The following CRACD variants were observed in gnomAD, a reference collection of about 807,000 sequenced individuals.
CRACD encodes capping protein inhibiting regulator of actin dynamics.
In CRACD, 56 loss-of-function variants were observed where a neutral mutation model predicts 106.8. That is an observed-to-expected ratio of 0.52 (90% CI 0.42 to 0.66). The LOEUF (loss-of-function observed/expected upper bound fraction) is 0.66, where lower values mean the gene tolerates loss of function less well. Among genes scored for constraint, CRACD ranks in the 30% least tolerant of loss-of-function variants. The pLI, the probability that CRACD is intolerant of heterozygous loss-of-function variation, is 0.00. For missense variants in CRACD, 1,730 were observed against 1,623.2 expected (o/e 1.07, Z -1.13); for synonymous variants, 754 against 670.8 (o/e 1.12, Z -1.92).
intron 3 of CRACD, among the ~76,000 whole-genome samples, chr4:56,293,941 AGG>A (rs1262676971): frequency 3.3e-5 from 5 of 152,090 alleles, no homozygotes; most frequent in Non-Finnish European, 7.4e-5. Context: ...TCAGGTGTTC[AGG>A]TGTTCAGGTG....
chr4:56,134,216 A>C (rs78422505), intron 1 of CRACD, among the ~76,000 whole-genome samples: 12 of 150,820 alleles, frequency 8.0e-5, no homozygotes, highest in African/African-American at 2.9e-4. Flanking sequence ...AAAAAAAAAA[A>C]GAAATCGACT....
rs1468680918 is a variant in CRACD, at chr4:56,195,265, G to A, written c.-189+15835G>A. Among the ~76,000 whole-genome samples the A allele has an allele frequency of 2.0e-5, 3 of 152,232 alleles. No homozygotes were observed. The South Asian group carries it at 6.2e-4, about 32-fold the overall frequency. ...CCAGGCTTAGAGGGGAGGGCAGTCA[G>A]AACATGGCTATAAATATGCGGGGAA... On this transcript the variant is annotated intron_variant, in intron 2 of 10. Transcript: ENST00000682029.
chr4:56,308,269 A>T (rs1303542197), intron 5 of CRACD, among the ~76,000 whole-genome samples: 1 of 152,140 alleles, frequency 6.6e-6, no homozygotes, highest in African/African-American at 2.4e-5. Flanking sequence ...CAACTTGAAG[A>T]GTACCTAGTC....
intron 1 of CRACD, among the ~76,000 whole-genome samples, chr4:56,128,791 C>T (rs1490363986): frequency 1.3e-5 from 2 of 151,924 alleles, no homozygotes. Flanking sequence ...TTCTTTTCTA[C>T]ATTAAAATAA....
intron 3 of CRACD, among the ~76,000 whole-genome samples, chr4:56,276,871 C>T (rs629242): frequency 0.25 from 38,064 of 152,136 alleles, 4,927 homozygotes; most frequent in East Asian, 0.35. Flanking sequence ...GTGTTTGTTA[C>T]ATCATGCATA....
At chr4:56,081,407 C>T (rs1436699867) in intron 1 of CRACD, among the ~76,000 whole-genome samples, 1 of 152,090 alleles carries the variant, frequency 6.6e-6, no homozygotes, top group South Asian at 2.1e-4. Flanking sequence ...ATTCATTCAA[C>T]TCTAGGAGGT....
chr4:56,326,840 A>G (rs1329941070), intron 10 of CRACD, among the ~76,000 whole-genome samples: 2 of 151,856 alleles, frequency 1.3e-5, no homozygotes, highest in African/African-American at 2.4e-5. Context: ...GCAGGGTTCA[A>G]GTGATTCTCC....
intron 2 of CRACD, among the ~76,000 whole-genome samples, chr4:56,210,520 C>T (rs900857992): frequency 6.6e-6 from 1 of 152,168 alleles, no homozygotes; most frequent in Non-Finnish European, 1.5e-5. Flanking sequence ...GTTAGGGAGG[C>T]AACTCTAAGT....
rs1431084042 is a variant in CRACD at position 56,284,717 on chromosome 4, T to TC, written c.-17+12227dup. Among the ~76,000 whole-genome samples the TC allele has an allele frequency of 4.3e-5, 6 of 141,096 alleles. No individual in the cohort carries two copies. In the Admixed American group the frequency reaches 4.4e-4, roughly 10 times the overall value. 92.6% of individuals were successfully genotyped at this position (141,096 alleles called of 152,430 possible). A position where few individuals can be genotyped will look rare whatever the true frequency, so the allele number is the denominator to read the frequency against. ...CCCAGCCTGGGCTACAGAGTGAGAC[T>TC]CCGTCTCGAAAACAAAAAACAAAAA... On this transcript the variant is annotated intron_variant, in intron 3 of 10. Transcript: ENST00000682029.
intron 2 of CRACD, among the ~76,000 whole-genome samples, chr4:56,193,439 A>G (rs970696481): frequency 1.3e-5 from 2 of 152,216 alleles, no homozygotes; most frequent in African/African-American, 4.8e-5. Context: ...GAAATTGGCA[A>G]AAGAAAGGGT....
At chr4:56,161,595 G>C (rs896370677) in intron 1 of CRACD, among the ~76,000 whole-genome samples, 3 of 151,524 alleles carry the variant, frequency 2.0e-5, no homozygotes, top group Non-Finnish European at 4.4e-5. Flanking sequence ...GGAATTAAAG[G>C]CACCTGCCAC....
chr4:56,266,709 G>A lies in CRACD; in HGVS notation c.-188-5612G>A, dbSNP rs530847629. Among the ~76,000 whole-genome samples, 7 of 152,286 alleles carry A rather than the reference G, an allele frequency of 4.6e-5. No homozygotes were observed. In the South Asian group the frequency reaches 1.2e-3, roughly 27 times the overall value. Reference sequence around the variant, plus strand: ...GTTGTTATTTATCAAGAAAATAGCTGCTACTGATGACCATGTACTTAATCC... The same window carrying A: ...GTTGTTATTTATCAAGAAAATAGCTACTACTGATGACCATGTACTTAATCC... On this transcript the variant is annotated intron_variant, in intron 2 of 10. Transcript: ENST00000682029.
intron 1 of CRACD, among the ~76,000 whole-genome samples, chr4:56,158,979 A>G (rs1735854564): frequency 1.3e-5 from 2 of 152,228 alleles, no homozygotes; most frequent in African/African-American, 4.8e-5. Context: ...CCAACTTCAA[A>G]TCATTTTCCC....
intron 1 of CRACD, among the ~76,000 whole-genome samples, chr4:56,086,050 C>T (rs1733208283): frequency 6.6e-6 from 1 of 152,112 alleles, no homozygotes; most frequent in Non-Finnish European, 1.5e-5. Flanking sequence ...ATACTCATTC[C>T]TAGAGAAGCA....
At chr4:56,284,939 T>C (rs1743252470) in intron 3 of CRACD, among the ~76,000 whole-genome samples, 1 of 152,156 alleles carries the variant, frequency 6.6e-6, no homozygotes, top group Admixed American at 6.5e-5. Context: ...GATGGTGTAT[T>C]AGTCTGTTTT....
At chr4:56,129,951 C>T (rs1480429050) in intron 1 of CRACD, among the ~76,000 whole-genome samples, 1 of 152,170 alleles carries the variant, frequency 6.6e-6, no homozygotes, top group Non-Finnish European at 1.5e-5. Flanking sequence ...ACATAACTTA[C>T]TTATGCTATA....
In CRACD at chr4:56,049,687, C is replaced by T. The variant is rs780815946; in HGVS notation, c.-336+388C>T. Among the ~76,000 whole-genome samples, 3 of 152,298 alleles carry T rather than the reference C, an allele frequency of 2.0e-5. No individual in the cohort carries two copies. The South Asian group carries it at 6.2e-4, about 32-fold the overall frequency. On this transcript the variant is annotated intron_variant, in intron 1 of 10. Coordinates refer to ENST00000682029, the MANE Select transcript of CRACD (RefSeq NM_001393381.1). ...AAGGGCCAGAACCAGACCTCACCGTCCGGGATCGCGGACGCCGTCCGGGCT... is the reference window on the plus strand; with the variant it reads ...AAGGGCCAGAACCAGACCTCACCGTTCGGGATCGCGGACGCCGTCCGGGCT...
In CRACD at chr4:56,170,668, C is replaced by G. The variant is rs1377653960; in HGVS notation, c.-335-8616C>G. Among the ~76,000 whole-genome samples, 3 of 151,980 alleles carry G rather than the reference C, an allele frequency of 2.0e-5. No individual in the cohort carries two copies. The East Asian group carries it at 5.8e-4, about 29-fold the overall frequency. ...ACTAGCCTTGACAACATAGCAAGAC[C>G]CTATCTCTACAAAAAATTAAAAATT... On this transcript the variant is annotated intron_variant, in intron 1 of 10. Coordinates refer to ENST00000682029, the MANE Select transcript of CRACD (RefSeq NM_001393381.1).
At chr4:56,106,089 G>A (rs1378179109) in intron 1 of CRACD, among the ~76,000 whole-genome samples, 1 of 152,168 alleles carries the variant, frequency 6.6e-6, no homozygotes, top group Non-Finnish European at 1.5e-5. Flanking sequence ...TCCAGGCGCA[G>A]GTGAAAGGGT....
Sources: allele counts gnomAD v4.1 joint callset (sites outside exome capture counted in the v4.1 genomes callset), GRCh38; gene constraint gnomAD v4.1.1; transcripts MANE v1.5; gene names NCBI Gene and HGNC (gene_info 2026-07-23, HGNC 2026-07-21).